Variants in PDE7B observed in about 807,000 individuals in gnomAD.
PDE7B encodes phosphodiesterase 7B.
Under a neutral mutation model 56.2 loss-of-function variants are expected in PDE7B, and 29 were observed. That is an observed-to-expected ratio of 0.52 (90% CI 0.38 to 0.70). The LOEUF is 0.70. PDE7B is among the 30% of genes least tolerant of loss of function. The pLI, the probability that PDE7B is intolerant of heterozygous loss-of-function variation, is 0.00. For synonymous variants in PDE7B, 197 were observed against 196.9 expected (o/e 1.00, Z 0.00); for missense variants, 490 against 565.0 (o/e 0.87, Z 1.35).
In PDE7B at chr6:135,973,025, A is replaced by G. The variant is rs116466303; in HGVS notation, c.82+25501A>G. ...GCCCTTTTAACAAATGTTTGAGTGT[A>G]TATACAGCATTATTGACTACTGGTG... On this transcript the variant is annotated intron_variant, in intron 2 of 12. Transcript: ENST00000308191. 9.1e-3 allele frequency among the ~76,000 whole-genome samples: 1,389 copies of G among 152,312 alleles called. 15 individuals carry two copies. Among genetic ancestry groups the G allele is most frequent in the Middle Eastern group, 0.031 (9 of 292 alleles).
intron 9 of PDE7B, 70 bp downstream of exon 9, chr6:136,173,958 C>T (rs1778934809): frequency 9.0e-7 from 1 of 1,116,664 alleles, no homozygotes; most frequent in Non-Finnish European, 1.4e-6. Context: ...CTAGGGCAGG[C>T]TTGGGACCTT....
intron 3 of PDE7B, among the ~76,000 whole-genome samples, chr6:136,144,383 C>A (rs1169959921): frequency 6.6e-6 from 1 of 152,118 alleles, no homozygotes; most frequent in Non-Finnish European, 1.5e-5. Flanking sequence ...TACTTTATCA[C>A]TAAATATTTC....
chr6:136,029,775 CA>C (rs1233468048), intron 2 of PDE7B, among the ~76,000 whole-genome samples: 1 of 152,118 alleles, frequency 6.6e-6, no homozygotes, highest in Non-Finnish European at 1.5e-5. Context: ...AGATCTTAGA[CA>C]CATGTCAAAG....
intron 1 of PDE7B, among the ~76,000 whole-genome samples, chr6:135,934,752 A>T (rs1419904392): frequency 6.5e-4 from 78 of 119,714 alleles, no homozygotes; most frequent in South Asian, 3.3e-3. Flanking sequence ...ATATATATAT[A>T]TATTTTTTAA....
intron 1 of PDE7B, among the ~76,000 whole-genome samples, chr6:135,897,118 G>T (rs1021714056): frequency 6.6e-6 from 1 of 152,122 alleles, no homozygotes; most frequent in Non-Finnish European, 1.5e-5. Context: ...CACCTACACA[G>T]TAGCCTTCCA....
At chr6:136,151,101 A>G (rs1397036978) in intron 5 of PDE7B, 59 bp from the exon 6 acceptor site, 8 of 867,346 alleles carry the variant, frequency 9.2e-6, no homozygotes, top group Non-Finnish European at 1.6e-5. Context: ...TCTTATTGTC[A>G]ATCTTGATAT....
chr6:136,008,328 T>C (rs1775825201), intron 2 of PDE7B, among the ~76,000 whole-genome samples: 1 of 152,238 alleles, frequency 6.6e-6, no homozygotes, highest in South Asian at 2.1e-4. Context: ...GCATGTCTTA[T>C]AATCCTTTGG....
At chr6:135,934,342 C>T (rs117828879) in intron 1 of PDE7B, among the ~76,000 whole-genome samples, 2,676 of 152,174 alleles carry the variant, frequency 0.018, 27 homozygotes, top group Middle Eastern at 0.037. Flanking sequence ...TTACAGGATA[C>T]GTACTCTGAC....
intron 2 of PDE7B, among the ~76,000 whole-genome samples, chr6:136,069,138 T>C (rs1035933777): frequency 6.6e-6 from 1 of 152,190 alleles, no homozygotes; most frequent in African/African-American, 2.4e-5. Flanking sequence ...AGAGGAGGGA[T>C]CAATTCAGTT....
chr6:136,035,568 A>C (rs1776313581), intron 2 of PDE7B, among the ~76,000 whole-genome samples: 1 of 152,204 alleles, frequency 6.6e-6, no homozygotes, highest in African/African-American at 2.4e-5. Context: ...TCCAGGATGA[A>C]AATAATCCCA....
At position 136,009,116 on chromosome 6, in the gene PDE7B, T is replaced by C. The variant is rs1174346105; in HGVS notation, c.82+61592T>C. Among the ~76,000 whole-genome samples, 5 of 152,084 alleles carry C rather than the reference T, an allele frequency of 3.3e-5. No individual in the cohort carries two copies. The South Asian group carries it at 8.3e-4, about 25-fold the overall frequency. ...AATCCTTTCCCCAGTTCTTGTTTTTTTCAGGTTTGTCAAAGATCAGATGGT... is the reference window on the plus strand; with the variant it reads ...AATCCTTTCCCCAGTTCTTGTTTTTCTCAGGTTTGTCAAAGATCAGATGGT... On this transcript the variant is annotated intron_variant, in intron 2 of 12. Transcript: ENST00000308191.
intron 8 of PDE7B, among the ~76,000 whole-genome samples, chr6:136,158,687 C>T (rs984500687): frequency 3.9e-5 from 6 of 152,202 alleles, no homozygotes; most frequent in African/African-American, 2.4e-5. Context: ...CGGACTCACT[C>T]GCTGAACTGC....
intron 2 of PDE7B, among the ~76,000 whole-genome samples, chr6:135,965,155 T>C (rs1051699069): frequency 1.3e-5 from 2 of 152,060 alleles, no homozygotes; most frequent in African/African-American, 4.8e-5. Flanking sequence ...AATAAATAAA[T>C]GAATAAATGA....
At chr6:135,996,516 A>G (rs1775567191) in intron 2 of PDE7B, among the ~76,000 whole-genome samples, 1 of 152,258 alleles carries the variant, frequency 6.6e-6, no homozygotes, top group African/African-American at 2.4e-5. Context: ...CGAGAAAATA[A>G]CGGAGGCAAA....
At chr6:136,106,396 G>A (rs1181888707) in intron 2 of PDE7B, among the ~76,000 whole-genome samples, 1 of 152,116 alleles carries the variant, frequency 6.6e-6, no homozygotes, top group Non-Finnish European at 1.5e-5. Flanking sequence ...CCTAAGGTGT[G>A]TGTTTCTAAT....
intron 2 of PDE7B, among the ~76,000 whole-genome samples, chr6:136,103,060 CGA>C (rs1562493641): frequency 3.3e-5 from 5 of 152,100 alleles, no homozygotes; most frequent in Non-Finnish European, 7.4e-5. Flanking sequence ...GGTTTCTGGA[CGA>C]CTAACTCCTG....
At chr6:136,045,860 T>A (rs1223408378) in intron 2 of PDE7B, among the ~76,000 whole-genome samples, 1 of 149,072 alleles carries the variant, frequency 6.7e-6, no homozygotes, top group African/African-American at 2.4e-5. Flanking sequence ...AAAAGGAAAA[T>A]TAAATAACTA....
At chr6:136,085,212 A>G (rs931984016) in intron 2 of PDE7B, among the ~76,000 whole-genome samples, 1 of 152,240 alleles carries the variant, frequency 6.6e-6, no homozygotes, top group African/African-American at 2.4e-5. Context: ...TCTTTTTGTC[A>G]TCAGCATTTT....
At chr6:135,992,069 A>T (rs943393471) in intron 2 of PDE7B, 5 of 152,266 alleles carry the variant, frequency 3.3e-5, no homozygotes, top group African/African-American at 1.2e-4. Context: ...CAAAGGTCAA[A>T]GGTGGCTGCC....
Sources: allele counts gnomAD v4.1 joint callset (sites outside exome capture counted in the v4.1 genomes callset), GRCh38; gene constraint gnomAD v4.1.1; transcripts MANE v1.5; gene names NCBI Gene and HGNC (gene_info 2026-07-23, HGNC 2026-07-21).